ANAPC4: variants seen among roughly 807,000 people sequenced by gnomAD.
ANAPC4 encodes anaphase promoting complex subunit 4, also known as anaphase-promoting complex subunit 4.
A neutral mutation model predicts 119.8 loss-of-function variants in ANAPC4; 63 were observed. That is an observed-to-expected ratio of 0.53 (90% CI 0.43 to 0.65). The LOEUF is 0.65. ANAPC4 is among the 30% of genes least tolerant of loss of function. ANAPC4 has a pLI of 0.00. For synonymous variants in ANAPC4, 283 were observed against 318.6 expected (o/e 0.89, Z 1.19); for missense variants, 716 against 945.1 (o/e 0.76, Z 3.18).
At chr4:25,414,233 A>G (rs1378205413) in intron 22 of ANAPC4, 91 bp from the exon 23 acceptor site, 3 of 894,688 alleles carry the variant, frequency 3.4e-6, no homozygotes, top group Non-Finnish European at 4.9e-6. Flanking sequence ...TTTTTTTACC[A>G]CATTCGAACA....
intron 22 of ANAPC4, 180 bp downstream of exon 22, chr4:25,413,922 C>T (rs1723714980): frequency 3.6e-6 from 2 of 560,194 alleles, no homozygotes; most frequent in Non-Finnish European, 6.2e-6. Flanking sequence ...ACTTAAGTTT[C>T]TTACACACGT....
At chr4:25,382,582 G>A (rs1204054431) in intron 3 of ANAPC4, among the ~76,000 whole-genome samples, 2 of 150,152 alleles carry the variant, frequency 1.3e-5, no homozygotes, top group African/African-American at 2.5e-5. Context: ...ACAGTAAAAT[G>A]TGTTTTTTGT....
chr4:25,414,154 TTC>T, intron 22 of ANAPC4, 168 bp from the exon 23 acceptor site: 2 of 537,050 alleles, frequency 3.7e-6, no homozygotes, highest in Non-Finnish European at 6.4e-6. Context: ...GCTCAGAATT[TTC>T]TCTTTTTCCT....
At chr4:25,396,984 C>A (rs1268914996) in intron 16 of ANAPC4, 85 bp downstream of exon 16, 8 of 1,339,130 alleles carry the variant, frequency 6.0e-6, no homozygotes, top group Non-Finnish European at 8.2e-6. Context: ...TGTTATGATT[C>A]TCTTAAAATC....
chr4:25,390,693 A>G (rs528714879), intron 8 of ANAPC4, among the ~76,000 whole-genome samples: 1 of 152,232 alleles, frequency 6.6e-6, no homozygotes, highest in Non-Finnish European at 1.5e-5. Flanking sequence ...ACTTGATTTG[A>G]GACTTGGGTA....
chr4:25,381,587 C>T (rs1420740559), intron 3 of ANAPC4, among the ~76,000 whole-genome samples: 1 of 151,618 alleles, frequency 6.6e-6, no homozygotes, highest in Non-Finnish European at 1.5e-5. Flanking sequence ...GTGGGGATTA[C>T]AGGCGTGAAC....
chr4:25,388,371 G>A, intron 4 of ANAPC4, 129 bp from the exon 5 acceptor site: 1 of 650,946 alleles, frequency 1.5e-6, no homozygotes, highest in Non-Finnish European at 2.7e-6. Flanking sequence ...CAACTGTATA[G>A]TATTTGTGTC....
intron 14 of ANAPC4, 148 bp downstream of exon 14, chr4:25,395,053 A>G: frequency 1.7e-6 from 1 of 599,730 alleles, no homozygotes; most frequent in Non-Finnish European, 2.9e-6. Flanking sequence ...GAATCTTCCT[A>G]TACCCAAGAT....
intron 10 of ANAPC4, among the ~76,000 whole-genome samples, chr4:25,392,855 T>C (rs4317194): frequency 0.43 from 65,622 of 151,952 alleles, 15,759 homozygotes; most frequent in Non-Finnish European, 0.53. Context: ...CCAGCTGGTA[T>C]GTGTCCCTTG....
At chr4:25,395,649 C>T (rs1050342747) in intron 14 of ANAPC4, among the ~76,000 whole-genome samples, 5 of 152,196 alleles carry the variant, frequency 3.3e-5, no homozygotes, top group African/African-American at 1.2e-4. Flanking sequence ...GGGGTTTCAC[C>T]GTGTTGGCCA....
At chr4:25,397,086 T>C in intron 16 of ANAPC4, among the ~76,000 whole-genome samples, 187 bp downstream of exon 16, 1 of 152,208 alleles carries the variant, frequency 6.6e-6, no homozygotes, top group East Asian at 1.9e-4. Flanking sequence ...TATTTTCCTG[T>C]CCTGGTCATC....
chr4:25,390,427 T>C (rs1234612028), intron 8 of ANAPC4, among the ~76,000 whole-genome samples: 1 of 151,670 alleles, frequency 6.6e-6, no homozygotes, highest in East Asian at 1.9e-4. Flanking sequence ...ATTAGTCAAG[T>C]TTTTTTTTCT....
chr4:25,386,219 A>G (rs1237554920), intron 4 of ANAPC4, among the ~76,000 whole-genome samples: 1 of 150,064 alleles, frequency 6.7e-6, no homozygotes, highest in African/African-American at 2.5e-5. Flanking sequence ...GGCCTTATTT[A>G]TTTATTTTTT....
At chr4:25,386,435 A>G (rs1008767745) in intron 4 of ANAPC4, among the ~76,000 whole-genome samples, 2 of 150,684 alleles carry the variant, frequency 1.3e-5, no homozygotes, top group African/African-American at 2.4e-5. Context: ...CTGGTCTCGA[A>G]CTCCTCTCAA....
chr4:25,416,782 G>GTC (rs1723903517), intron 27 of ANAPC4, 184 bp downstream of exon 27: 2 of 406,514 alleles, frequency 4.9e-6, no homozygotes, highest in African/African-American at 4.1e-5. Context: ...AGCTTTTTTT[G>GTC]TCCCTTTGCT....
intron 21 of ANAPC4, among the ~76,000 whole-genome samples, chr4:25,410,824 A>C (rs1434726060): frequency 6.6e-6 from 1 of 152,214 alleles, no homozygotes; most frequent in Non-Finnish European, 1.5e-5. Flanking sequence ...GATGTACATG[A>C]AGCATAAATG....
chr4:25,400,076 C>T (rs1258131444), intron 16 of ANAPC4, among the ~76,000 whole-genome samples: 3 of 152,120 alleles, frequency 2.0e-5, no homozygotes, highest in African/African-American at 4.8e-5. Flanking sequence ...GGAGCTGGTA[C>T]GATACAGAAT....
intron 16 of ANAPC4, among the ~76,000 whole-genome samples, chr4:25,402,225 C>T (rs576662901): frequency 2.8e-4 from 43 of 152,240 alleles, no homozygotes; most frequent in African/African-American, 1.0e-3. Context: ...TGATACTGAC[C>T]TACCTCTTCA....
intron 9 of ANAPC4, 68 bp downstream of exon 9, chr4:25,391,083 T>C: frequency 1.7e-6 from 2 of 1,180,020 alleles, no homozygotes; most frequent in Non-Finnish European, 2.5e-6. Context: ...TAGGTTTTTA[T>C]CCACATCTCA....
Sources: allele counts gnomAD v4.1 joint callset (sites outside exome capture counted in the v4.1 genomes callset), GRCh38; gene constraint gnomAD v4.1.1; transcripts MANE v1.5; gene names NCBI Gene and HGNC (gene_info 2026-07-23, HGNC 2026-07-21).